Variants in ANKIB1 observed in about 807,000 individuals in gnomAD.
ANKIB1 encodes ankyrin repeat and IBR domain containing 1.
Under a neutral mutation model 122.1 loss-of-function variants are expected in ANKIB1, and 43 were observed. The observed-to-expected ratio is 0.35, with a 90% CI of 0.28 to 0.45. ANKIB1 has a LOEUF of 0.45. ANKIB1 is among the 20% of genes least tolerant of loss of function. The probability of loss-of-function intolerance (pLI) is 1.00; values close to 1 mark genes in which losing one functional copy is unlikely to be tolerated. For synonymous variants in ANKIB1, 390 were observed against 442.0 expected (o/e 0.88, Z 1.48); for missense variants, 992 against 1,329.5 (o/e 0.75, Z 3.95).
chr7:92,314,891 A>G (rs1416212175), intron 3 of ANKIB1, among the ~76,000 whole-genome samples: 1 of 152,172 alleles, frequency 6.6e-6, no homozygotes, highest in Non-Finnish European at 1.5e-5. Context: ...TGAACTGACA[A>G]AGCGTCTGGG....
At chr7:92,383,173 C>T (rs1017715092) in intron 11 of ANKIB1, among the ~76,000 whole-genome samples, 1 of 152,110 alleles carries the variant, frequency 6.6e-6, no homozygotes, top group African/African-American at 2.4e-5. Flanking sequence ...CACATACACC[C>T]TCCCAAGACT....
At chr7:92,347,275 G>GT (rs144084878) in intron 7 of ANKIB1, among the ~76,000 whole-genome samples, 21,418 of 151,474 alleles carry the variant, frequency 0.14, 1,844 homozygotes, top group East Asian at 0.38. Context: ...AACATTATGA[G>GT]TTTTTTTTTG....
intron 4 of ANKIB1, among the ~76,000 whole-genome samples, chr7:92,327,235 G>A (rs1467866403): frequency 6.6e-6 from 1 of 152,196 alleles, no homozygotes; most frequent in African/African-American, 2.4e-5. Context: ...ATGAGTCCCA[G>A]TATCTGCTTT....
chr7:92,297,996 C>CT (rs1347228360), intron 2 of ANKIB1, among the ~76,000 whole-genome samples: 1 of 152,088 alleles, frequency 6.6e-6, no homozygotes, highest in African/African-American at 2.4e-5. Context: ...ATTACCTGTC[C>CT]TTTAAGTCCT....
At chr7:92,338,274 G>T (rs1029350401) in intron 5 of ANKIB1, among the ~76,000 whole-genome samples, 3 of 151,564 alleles carry the variant, frequency 2.0e-5, no homozygotes, top group Non-Finnish European at 4.4e-5. Context: ...AAAAAAATCT[G>T]GGCATGGTGG....
At chr7:92,368,245 G>C (rs940912560) in intron 10 of ANKIB1, among the ~76,000 whole-genome samples, 10 of 151,446 alleles carry the variant, frequency 6.6e-5, no homozygotes, top group Admixed American at 2.0e-4. Flanking sequence ...TGGATTTTCT[G>C]ATACTCTAAT....
intron 4 of ANKIB1, among the ~76,000 whole-genome samples, chr7:92,324,706 G>T (rs1802988251): frequency 6.6e-6 from 1 of 152,184 alleles, no homozygotes; most frequent in African/African-American, 2.4e-5. Flanking sequence ...ATGTTCTGAA[G>T]GTGAAATGTA....
rs780605321 is a variant in ANKIB1, at chr7:92,246,268, C to T, written c.-342C>T. 2.5e-6 allele frequency: 1 copy of T among 395,542 alleles called. No individual in the cohort carries two copies. The highest frequency in any genetic ancestry group is 1.8e-5 in the South Asian group (1 of 57,128). 24.5% of individuals were successfully genotyped at this position (395,542 alleles called of 1,614,324 possible). On this transcript the variant is annotated 5_prime_UTR_variant, in exon 1 of 20. Coordinates refer to ENST00000265742, the MANE Select transcript of ANKIB1 (RefSeq NM_019004.2). Reference sequence around the variant, plus strand: ...CGGAGAGGGATGGGGGGCGCCCACCCAGTCTGAGCCTCGCCGCGGGCGCCT... The same window carrying T: ...CGGAGAGGGATGGGGGGCGCCCACCTAGTCTGAGCCTCGCCGCGGGCGCCT...
At chr7:92,362,108 G>A (rs755242983) in intron 9 of ANKIB1, 77 bp from the exon 10 acceptor site, 7 of 1,360,136 alleles carry the variant, frequency 5.1e-6, no homozygotes, top group Non-Finnish European at 7.1e-6. Context: ...ACCACGCCCG[G>A]CCTCTACACA....
chr7:92,315,168 A>G (rs1372278861), intron 3 of ANKIB1, among the ~76,000 whole-genome samples: 1 of 152,222 alleles, frequency 6.6e-6, no homozygotes, highest in Non-Finnish European at 1.5e-5. Context: ...GATGGGCATG[A>G]TTTTGAGCCC....
At chr7:92,343,959 G>C (rs1403761365) in intron 6 of ANKIB1, among the ~76,000 whole-genome samples, 8 of 151,938 alleles carry the variant, frequency 5.3e-5, no homozygotes, top group African/African-American at 1.9e-4. Context: ...AATATTTCTT[G>C]AATGACTCAG....
chr7:92,341,293 A>G lies in ANKIB1; in HGVS notation c.788-1731A>G, dbSNP rs190772872. ...CCGTTGCACTCCAGCCTGGGTGACA[A>G]AGCGAGACCCTGTCTCAAAAAAAAA... is the stretch of plus-strand genomic sequence containing the variant. On this transcript the variant is annotated intron_variant, in intron 5 of 19. Coordinates refer to ENST00000265742, the MANE Select transcript of ANKIB1 (RefSeq NM_019004.2). 9.6e-3 allele frequency among the ~76,000 whole-genome samples: 1,446 copies of G among 151,338 alleles called. 32 individuals are homozygous for G. The highest frequency in any genetic ancestry group is 0.033 in the African/African-American group (1,377 of 41,106).
chr7:92,351,120 C>A, intron 8 of ANKIB1, 26 bp downstream of exon 8: 4 of 1,435,336 alleles, frequency 2.8e-6, no homozygotes, highest in Non-Finnish European at 3.7e-6. Flanking sequence ...AATTATCTGT[C>A]CAATTTCCAT....
chr7:92,371,521 T>C lies in ANKIB1; in HGVS notation c.1531T>C (p.Trp511Arg). 1 of 1,607,184 alleles carries C rather than the reference T, an allele frequency of 6.2e-7. No individual in the cohort carries two copies. Among genetic ancestry groups the C allele is most frequent in the Non-Finnish European group, 8.5e-7 (1 of 1,176,474 alleles). Residue 511 changes from tryptophan (W) to arginine (R), a missense_variant, in exon 11 of 20, where the codon TGG becomes CGG. Trp to Arg is a moderately radical substitution (Grantham distance 101, BLOSUM62 -3). This residue lies in a region of ANKIB1 where 521 missense variants were observed against 777.7 expected (regional missense o/e 0.67). Coordinates refer to ENST00000265742, the MANE Select transcript of ANKIB1 (RefSeq NM_019004.2). ...CTACGAGGATGCCGCCAATTGTCTC[T>C]GGTTATTAACTAACTCCAAGCCTTG... ...EAYEDAANCL[W>R]LLTNSKPCAN...
chr7:92,371,314 A>G (rs1371777645), intron 10 of ANKIB1, among the ~76,000 whole-genome samples, 163 bp from the exon 11 acceptor site: 1 of 152,216 alleles, frequency 6.6e-6, no homozygotes, highest in Non-Finnish European at 1.5e-5. Context: ...AGGCTATTCA[A>G]AATGAAGCAG....
At chr7:92,393,214 C>T (rs773037342) in intron 17 of ANKIB1, among the ~76,000 whole-genome samples, 6 of 151,954 alleles carry the variant, frequency 3.9e-5, no homozygotes, top group Non-Finnish European at 7.4e-5. Context: ...CTCTTTTCAG[C>T]TGCTGAAGAT....
At position 92,399,796 on chromosome 7, in the gene ANKIB1, T is replaced by C. The variant is rs903997925; in HGVS notation, c.*847T>C. The C allele has an allele frequency of 6.6e-6, 1 of 152,216 alleles. No individual in the cohort carries two copies. The highest frequency in any genetic ancestry group is 2.4e-5 in the African/African-American group (1 of 41,464). The allele number at this position is 152,216 out of a possible 1,614,324, so 9.4% of individuals were successfully genotyped here. A position where few individuals can be genotyped will look rare whatever the true frequency, so the allele number is the denominator to read the frequency against. ...GTTTATTTTAATATTAAAATACAGT[T>C]GATTAGCAACAGCGGTGCTGTATTT... is the stretch of plus-strand genomic sequence containing the variant. On this transcript the variant is annotated 3_prime_UTR_variant, in exon 20 of 20. Coordinates refer to ENST00000265742, the MANE Select transcript of ANKIB1 (RefSeq NM_019004.2).
chr7:92,397,115 G>T (rs1319377558), intron 18 of ANKIB1, among the ~76,000 whole-genome samples: 1 of 152,034 alleles, frequency 6.6e-6, no homozygotes, highest in Non-Finnish European at 1.5e-5. Flanking sequence ...ACGTTTATTA[G>T]TTATTGCTTA....
intron 7 of ANKIB1, 133 bp downstream of exon 7, chr7:92,345,199 G>A (rs1803514788): frequency 3.3e-6 from 2 of 609,246 alleles, no homozygotes; most frequent in Non-Finnish European, 5.6e-6. Flanking sequence ...AATGAATTTA[G>A]ACTTTACTAG....
Sources: gnomAD v4.1 joint callset for allele counts (sites outside exome capture counted in the v4.1 genomes callset) on GRCh38, gnomAD v4.1.1 for gene constraint, gnomAD v4.1.1 regional missense constraint, MANE v1.5 for transcripts, NCBI Gene and HGNC (gene_info 2026-07-23, HGNC 2026-07-21) for gene names.